SLC4A10: variants seen among roughly 807,000 people sequenced by gnomAD.
SLC4A10 encodes the protein sodium-driven chloride bicarbonate exchanger.
SLC4A10 carries 42 observed loss-of-function variants against 137.7 expected under a neutral mutation model. The observed-to-expected ratio is 0.30, with a 90% CI of 0.24 to 0.39. SLC4A10 has a LOEUF of 0.39. SLC4A10 is among the 10% of genes least tolerant of loss of function. SLC4A10 has a pLI of 1.00. For synonymous variants in SLC4A10, 474 were observed against 464.1 expected, an observed-to-expected ratio of 1.02 and a Z score of -0.27; for missense variants, 925 against 1,355.0, an observed-to-expected ratio of 0.68 and a Z score of 4.98.
chr2:161,684,076 C>CTTCT (rs957671509), intron 1 of SLC4A10, among the ~76,000 whole-genome samples: 1 of 152,098 alleles, frequency 6.6e-6, no homozygotes, highest in Non-Finnish European at 1.5e-5. Flanking sequence ...AACCATCGTT[C>CTTCT]TTCTTTCTTT....
At chr2:161,698,623 A>G (rs1016112125) in intron 1 of SLC4A10, among the ~76,000 whole-genome samples, 4 of 152,122 alleles carry the variant, frequency 2.6e-5, no homozygotes, top group Non-Finnish European at 4.4e-5. Context: ...TGATTTGTGT[A>G]TATTGAACCA....
At position 161,945,176 on chromosome 2, in the gene SLC4A10, T is replaced by TGTG. The variant is rs1559596414; in HGVS notation, c.2103+2279_2103+2280insGTG. Among the ~76,000 whole-genome samples the TGTG allele has an allele frequency of 1.1e-3, 112 of 105,532 alleles. 3 individuals carry two copies. Among genetic ancestry groups the TGTG allele is most frequent in the African/African-American group, 4.5e-3 (108 of 23,792 alleles). 69.2% of individuals were successfully genotyped at this position (105,532 alleles called of 152,430 possible). A position where few individuals can be genotyped will look rare whatever the true frequency, so the allele number is the denominator to read the frequency against. ...TTATGGCAAACTGGAGTACTTAAGTTTGTGTGTATATATATATATATATAT... is the reference window on the plus strand; with the variant it reads ...TTATGGCAAACTGGAGTACTTAAGTTGTGTGTGTGTATATATATATATATATAT... On this transcript the variant is annotated intron_variant, in intron 16 of 26. Coordinates refer to ENST00000446997, the MANE Select transcript of SLC4A10 (RefSeq NM_001178015.2).
chr2:161,749,009 A>G (rs566597082), intron 1 of SLC4A10, among the ~76,000 whole-genome samples: 7 of 152,018 alleles, frequency 4.6e-5, no homozygotes, highest in Middle Eastern at 3.4e-3. Flanking sequence ...GATTAAATTT[A>G]TTCCTAAGTA....
intron 3 of SLC4A10, among the ~76,000 whole-genome samples, chr2:161,834,294 T>A (rs898740041): frequency 2.6e-5 from 4 of 152,160 alleles, no homozygotes; most frequent in African/African-American, 9.7e-5. Flanking sequence ...GTAGGGGACA[T>A]AATGAGTCTC....
At chr2:161,792,369 C>T (rs543012549) in intron 2 of SLC4A10, among the ~76,000 whole-genome samples, 8 of 152,176 alleles carry the variant, frequency 5.3e-5, no homozygotes, top group East Asian at 1.9e-4. Context: ...AGACAAACCA[C>T]GGATGACCAA....
chr2:161,714,384 A>G (rs938476749), intron 1 of SLC4A10, among the ~76,000 whole-genome samples: 2 of 151,932 alleles, frequency 1.3e-5, no homozygotes, highest in East Asian at 3.9e-4. Flanking sequence ...TTTCTCAAAA[A>G]GCAAATAGAA....
At chr2:161,922,043 T>C (rs1409737021) in intron 15 of SLC4A10, among the ~76,000 whole-genome samples, 1 of 152,190 alleles carries the variant, frequency 6.6e-6, no homozygotes, top group Non-Finnish European at 1.5e-5. Flanking sequence ...TTATAGTCTG[T>C]TGAAAGAATC....
chr2:161,838,099 G>T (rs2058931088), intron 3 of SLC4A10, among the ~76,000 whole-genome samples: 1 of 152,138 alleles, frequency 6.6e-6, no homozygotes, highest in South Asian at 2.1e-4. Flanking sequence ...TGGACTGACT[G>T]AAATATAGGC....
At chr2:161,802,929 G>T (rs2055526608) in intron 2 of SLC4A10, among the ~76,000 whole-genome samples, 1 of 152,060 alleles carries the variant, frequency 6.6e-6, no homozygotes, top group African/African-American at 2.4e-5. Context: ...TCTAAATACA[G>T]TCACATTTGG....
At chr2:161,907,129 T>C (rs1484090358) in intron 15 of SLC4A10, among the ~76,000 whole-genome samples, 1 of 152,002 alleles carries the variant, frequency 6.6e-6, no homozygotes, top group Non-Finnish European at 1.5e-5. Context: ...TTTTAGTACT[T>C]TCACTTTTAT....
chr2:161,791,381 C>T (rs938280370), intron 2 of SLC4A10, among the ~76,000 whole-genome samples: 2 of 152,102 alleles, frequency 1.3e-5, no homozygotes, highest in African/African-American at 2.4e-5. Context: ...AAACTAAATA[C>T]CACATATTCT....
At chr2:161,648,094 A>G (rs1210280770) in intron 1 of SLC4A10, among the ~76,000 whole-genome samples, 1 of 152,182 alleles carries the variant, frequency 6.6e-6, no homozygotes, top group African/African-American at 2.4e-5. Context: ...TCAAGAAAAA[A>G]TTTTAAACAA....
At chr2:161,898,186 G>A (rs2063716592) in intron 11 of SLC4A10, among the ~76,000 whole-genome samples, 1 of 152,026 alleles carries the variant, frequency 6.6e-6, no homozygotes, top group African/African-American at 2.4e-5. Context: ...AGAGTTTTCT[G>A]CAATAATGGA....
chr2:161,955,146 T>C (rs1373987788), intron 19 of SLC4A10, among the ~76,000 whole-genome samples: 1 of 152,206 alleles, frequency 6.6e-6, no homozygotes, highest in East Asian at 1.9e-4. Flanking sequence ...GGCTTAAGTA[T>C]GAGGTCCTTC....
chr2:161,810,934 G>A (rs1016471243), intron 3 of SLC4A10, among the ~76,000 whole-genome samples: 3 of 151,996 alleles, frequency 2.0e-5, no homozygotes, highest in Admixed American at 1.3e-4. Flanking sequence ...AGTTTTAGTA[G>A]GATTGGTACC....
chr2:161,726,452 T>A (rs2046229765), intron 1 of SLC4A10, among the ~76,000 whole-genome samples: 2 of 152,102 alleles, frequency 1.3e-5, no homozygotes, highest in South Asian at 4.2e-4. Flanking sequence ...GGGGAGAATG[T>A]TAGAGGGAAA....
intron 23 of SLC4A10, among the ~76,000 whole-genome samples, chr2:161,970,922 T>C (rs1222840365): frequency 6.6e-6 from 1 of 152,250 alleles, no homozygotes; most frequent in Non-Finnish European, 1.5e-5. Context: ...GCCAAGCTCG[T>C]TGTTCACTGT....
chr2:161,921,234 C>T (rs1559538216), intron 15 of SLC4A10, among the ~76,000 whole-genome samples: 1 of 152,190 alleles, frequency 6.6e-6, no homozygotes, highest in African/African-American at 2.4e-5. Flanking sequence ...CTCTCTCTCT[C>T]TTCATTGTAC....
In SLC4A10 at chr2:161,951,028, T is replaced by G. The variant is rs569993375; in HGVS notation, c.2541+180T>G. On this transcript the variant is annotated intron_variant, in intron 19 of 26. Coordinates refer to ENST00000446997, the MANE Select transcript of SLC4A10 (RefSeq NM_001178015.2). Reference sequence around the variant, plus strand: ...TCTTACAATGAGATGAGAATTTACTTATTTGTAGCACTTGGCTGAGCTCAC... The same window carrying G: ...TCTTACAATGAGATGAGAATTTACTGATTTGTAGCACTTGGCTGAGCTCAC... Among the ~76,000 whole-genome samples the G allele has an allele frequency of 4.6e-5, 7 of 152,302 alleles. No homozygotes were observed. The East Asian group carries it at 1.3e-3, about 29-fold the overall frequency.
Sources: gnomAD v4.1 joint callset for allele counts (sites outside exome capture counted in the v4.1 genomes callset) on GRCh38, gnomAD v4.1.1 for gene constraint, MANE v1.5 for transcripts, NCBI Gene and HGNC (gene_info 2026-07-23, HGNC 2026-07-21) for gene names.